Variants in DCC observed in about 807,000 individuals in gnomAD.
DCC encodes the protein DCC netrin 1 receptor.
In DCC, 58 loss-of-function variants were observed where a neutral mutation model predicts 172.5. That is an observed-to-expected ratio of 0.34 (90% CI 0.27 to 0.42). The LOEUF is 0.42. Among genes scored for constraint, DCC ranks in the 10% least tolerant of loss-of-function variants. The pLI, the probability that DCC is intolerant of heterozygous loss-of-function variation, is 1.00. For missense variants in DCC, 1,740 were observed against 1,791.0 expected, an observed-to-expected ratio of 0.97 and a Z score of 0.51; for synonymous variants, 709 against 644.5, an observed-to-expected ratio of 1.10 and a Z score of -1.52.
At chr18:52,516,674 G>A (rs1488747661) in intron 1 of DCC, among the ~76,000 whole-genome samples, 1 of 152,160 alleles carries the variant, frequency 6.6e-6, no homozygotes, top group Non-Finnish European at 1.5e-5. Context: ...ACATCAAAGT[G>A]CATTAAATAC....
intron 7 of DCC, among the ~76,000 whole-genome samples, chr18:53,087,874 G>T (rs1453308242): frequency 3.3e-5 from 5 of 151,592 alleles, no homozygotes; most frequent in Admixed American, 6.6e-5. Flanking sequence ...TTTCCCCATT[G>T]CTTGTTTTTC....
chr18:53,040,056 A>G (rs962089431), intron 5 of DCC, among the ~76,000 whole-genome samples: 2 of 151,982 alleles, frequency 1.3e-5, no homozygotes, highest in Non-Finnish European at 2.9e-5. Flanking sequence ...TAGGTATTAC[A>G]GAGGCTGAAT....
intron 7 of DCC, among the ~76,000 whole-genome samples, chr18:53,073,244 G>A (rs1203542454): frequency 6.6e-6 from 1 of 152,058 alleles, no homozygotes; most frequent in Non-Finnish European, 1.5e-5. Flanking sequence ...AATAAAAATA[G>A]GCCCGGCGCG....
intron 1 of DCC, among the ~76,000 whole-genome samples, chr18:52,623,868 T>G (rs569781888): frequency 6.6e-6 from 1 of 152,290 alleles, no homozygotes; most frequent in Admixed American, 6.5e-5. Flanking sequence ...TTAAAGCTTA[T>G]CATAATGTCA....
At chr18:52,342,327 C>T (rs1426133287) in intron 1 of DCC, among the ~76,000 whole-genome samples, 4 of 152,018 alleles carry the variant, frequency 2.6e-5, no homozygotes, top group African/African-American at 7.2e-5. Flanking sequence ...GTGATGAGCG[C>T]GTACCCGCAT....
At chr18:52,983,212 C>G (rs1351416899) in intron 5 of DCC, among the ~76,000 whole-genome samples, 1 of 151,992 alleles carries the variant, frequency 6.6e-6, no homozygotes, top group Non-Finnish European at 1.5e-5. Flanking sequence ...AGAGGAGACA[C>G]CAGAGTTAAG....
intron 25 of DCC, among the ~76,000 whole-genome samples, chr18:53,481,701 T>C (rs1050583926): frequency 2.0e-5 from 3 of 152,194 alleles, no homozygotes; most frequent in Non-Finnish European, 4.4e-5. Flanking sequence ...TTGAGAAATA[T>C]CTAGGGAGGG....
At chr18:52,842,551 G>A (rs78142466) in intron 2 of DCC, among the ~76,000 whole-genome samples, 11 of 152,088 alleles carry the variant, frequency 7.2e-5, no homozygotes, top group Admixed American at 7.2e-4. Context: ...CAAATGCTAA[G>A]CTCTTCTGGA....
At chr18:52,877,183 T>C (rs1286738428) in intron 2 of DCC, among the ~76,000 whole-genome samples, 3 of 152,188 alleles carry the variant, frequency 2.0e-5, no homozygotes, top group Non-Finnish European at 4.4e-5. Context: ...GATACTTGTA[T>C]GTTGTGGTAG....
intron 1 of DCC, among the ~76,000 whole-genome samples, chr18:52,462,051 C>A (rs1988647034): frequency 6.6e-6 from 1 of 152,150 alleles, no homozygotes; most frequent in Non-Finnish European, 1.5e-5. Context: ...CACCCCATAT[C>A]TAATCCATCA....
Position 53,217,296 on chromosome 18 carries a change from C to T in DCC, c.1911+1699C>T, listed in dbSNP as rs1366931369. 9.6e-4 allele frequency among the ~76,000 whole-genome samples: 95 copies of T among 98,522 alleles called. 1 individual carries two copies. The highest frequency in any genetic ancestry group is 6.7e-3 in the African/African-American group (90 of 13,512). 64.6% of individuals were successfully genotyped at this position (98,522 alleles called of 152,430 possible). A position where few individuals can be genotyped will look rare whatever the true frequency, so the allele number is the denominator to read the frequency against. On this transcript the variant is annotated intron_variant, in intron 12 of 28. Transcript: ENST00000442544. Reference sequence around the variant, plus strand: ...ACACACACACACACACACACACACACACACATATGTATATACACACACACA... The same window carrying T: ...ACACACACACACACACACACACACATACACATATGTATATACACACACACA...
intron 1 of DCC, among the ~76,000 whole-genome samples, chr18:52,443,005 A>ATTTC (rs544265571): frequency 2.1e-5 from 3 of 145,472 alleles, no homozygotes; most frequent in African/African-American, 7.5e-5. Context: ...CTTTCTTTCT[A>ATTTC]TTTTTTTTTT....
At chr18:53,140,210 T>C (rs1387442802) in intron 7 of DCC, among the ~76,000 whole-genome samples, 1 of 152,196 alleles carries the variant, frequency 6.6e-6, no homozygotes, top group Non-Finnish European at 1.5e-5. Flanking sequence ...TAAAACTATT[T>C]CAGTCTTGGT....
chr18:52,439,277 A>C (rs1426907193), intron 1 of DCC, among the ~76,000 whole-genome samples: 2 of 151,712 alleles, frequency 1.3e-5, no homozygotes, highest in Non-Finnish European at 2.9e-5. Context: ...CTAGTAGTAT[A>C]GGTTGAGAGT....
intron 8 of DCC, among the ~76,000 whole-genome samples, chr18:53,176,818 C>T (rs1332662076): frequency 1.3e-5 from 2 of 151,622 alleles, no homozygotes; most frequent in African/African-American, 4.8e-5. Context: ...ACCCAGCCAT[C>T]CCATTACTGG....
chr18:52,742,423 TAGA>T (rs1230562804), intron 1 of DCC, among the ~76,000 whole-genome samples: 1 of 152,160 alleles, frequency 6.6e-6, no homozygotes, highest in African/African-American at 2.4e-5. Flanking sequence ...ATATAAAACC[TAGA>T]AGGATAGGGA....
chr18:53,062,119 A>G (rs1188498523), intron 5 of DCC, among the ~76,000 whole-genome samples: 1 of 152,110 alleles, frequency 6.6e-6, no homozygotes, highest in East Asian at 1.9e-4. Context: ...AGAGGTCCAA[A>G]TATTATTTAG....
chr18:52,985,978 G>A (rs1434581081), intron 5 of DCC, among the ~76,000 whole-genome samples: 2 of 152,096 alleles, frequency 1.3e-5, no homozygotes, highest in Admixed American at 1.3e-4. Context: ...TTTAGGGTTG[G>A]CTGTTCTCTT....
At chr18:52,889,246 C>T (rs2039614314) in intron 2 of DCC, among the ~76,000 whole-genome samples, 2 of 151,776 alleles carry the variant, frequency 1.3e-5, no homozygotes, top group South Asian at 4.2e-4. Flanking sequence ...TCAGTAAGGC[C>T]CTTTCTAGCT....
Sources: gnomAD v4.1 joint callset for allele counts (sites outside exome capture counted in the v4.1 genomes callset) on GRCh38, gnomAD v4.1.1 for gene constraint, MANE v1.5 for transcripts, NCBI Gene and HGNC (gene_info 2026-07-23, HGNC 2026-07-21) for gene names.